The following ZNF560 variants were observed in gnomAD, a reference collection of about 807,000 sequenced individuals.
The protein encoded by ZNF560 is zinc finger protein 560.
In ZNF560, 54 loss-of-function variants were observed where a neutral mutation model predicts 81.8. That is an observed-to-expected ratio of 0.66 (90% CI 0.53 to 0.83). ZNF560 has a LOEUF of 0.83. ZNF560 is among the 40% of genes least tolerant of loss of function. The pLI is 0.00. For missense variants in ZNF560, 940 were observed against 932.4 expected (o/e 1.01, Z -0.11); for synonymous variants, 321 against 317.9 (o/e 1.01, Z -0.10).
At chr19:9,477,590 T>C (rs942210955) in intron 2 of ZNF560, among the ~76,000 whole-genome samples, 2 of 152,216 alleles carry the variant, frequency 1.3e-5, no homozygotes, top group African/African-American at 4.8e-5. Context: ...GTTCTGCCCA[T>C]TGCTCCTGCA....
intron 5 of ZNF560, among the ~76,000 whole-genome samples, chr19:9,472,921 C>A (rs2073144922): frequency 6.6e-6 from 1 of 152,090 alleles, no homozygotes; most frequent in Non-Finnish European, 1.5e-5. Flanking sequence ...TCTTTTACTC[C>A]CTTTCTCATC....
At chr19:9,475,807 C>T (rs760144241) in intron 2 of ZNF560, among the ~76,000 whole-genome samples, 4 of 151,992 alleles carry the variant, frequency 2.6e-5, no homozygotes, top group East Asian at 1.9e-4. Flanking sequence ...GGGGTTTCAC[C>T]GTGTTACCCA....
At chr19:9,446,407 C>T in the ZNF560 span, among the ~76,000 whole-genome samples, 3 of 146,380 alleles carry the variant, frequency 2.0e-5, no homozygotes, top group Non-Finnish European at 4.5e-5. Flanking sequence ...CACACACACA[C>T]ATAAAATATA....
chr19:9,463,846 C>T (rs1263081031), downstream of ZNF560, among the ~76,000 whole-genome samples: 9 of 152,260 alleles, frequency 5.9e-5, no homozygotes, highest in East Asian at 5.8e-4. Flanking sequence ...TCACACCAGG[C>T]TAATCTTTAC....
At chr19:9,496,953 A>C (rs1407153454) in intron 2 of ZNF560, among the ~76,000 whole-genome samples, 5 of 152,008 alleles carry the variant, frequency 3.3e-5, no homozygotes. Context: ...AATAGAATGA[A>C]ATCCTGTCAT....
chr19:9,504,151 C>G, the ZNF560 span, among the ~76,000 whole-genome samples: 2 of 152,136 alleles, frequency 1.3e-5, no homozygotes, highest in Non-Finnish European at 2.9e-5. Flanking sequence ...TACTGAGACT[C>G]TGCTGGGTGC....
intron 2 of ZNF560, among the ~76,000 whole-genome samples, chr19:9,489,666 C>T (rs1426597706): frequency 3.3e-5 from 5 of 152,064 alleles, no homozygotes; most frequent in African/African-American, 7.2e-5. Context: ...CTCGGCTCAC[C>T]GCAAGCTCCG....
intron 2 of ZNF560, among the ~76,000 whole-genome samples, chr19:9,483,675 G>A (rs947961837): frequency 1.3e-5 from 2 of 150,440 alleles, no homozygotes; most frequent in Admixed American, 6.6e-5. Flanking sequence ...GGAGGGAGGT[G>A]GGGGGCGCCT....
At chr19:9,464,829 T>C (rs1027462426), downstream of ZNF560, among the ~76,000 whole-genome samples, 1 of 152,172 alleles carries the variant, frequency 6.6e-6, no homozygotes, top group African/African-American at 2.4e-5. Flanking sequence ...AAAATAGTTC[T>C]ATAGAACCAC....
the ZNF560 span, among the ~76,000 whole-genome samples, chr19:9,452,667 A>G: frequency 1.3e-5 from 2 of 152,240 alleles, no homozygotes; most frequent in Non-Finnish European, 2.9e-5. Flanking sequence ...CCTAAATACT[A>G]CATGTTCTCA....
At chr19:9,485,723 T>C (rs1299676656) in intron 2 of ZNF560, among the ~76,000 whole-genome samples, 2 of 151,898 alleles carry the variant, frequency 1.3e-5, no homozygotes, top group African/African-American at 4.8e-5. Flanking sequence ...TTTTGTATTT[T>C]TAGTAGAGAC....
chr19:9,467,152 G>A lies in ZNF560; in HGVS notation c.1795C>T (p.Pro599Ser), dbSNP rs753650520. ...KHLRRHSGEK[P>S]YECKKCGKAF... ...TTTCCACATTTCTTACATTCATATG[G>A]CTTCTCTCCACTGTGTCTTCGTAAA... Residue 599 changes from proline (P) to serine (S), a missense_variant, in exon 10 of 10, where the codon CCA becomes TCA. Transcript: ENST00000301480. 1 of 1,613,866 alleles carries A rather than the reference G, an allele frequency of 6.2e-7. No individual in the cohort carries two copies. The highest frequency in any genetic ancestry group is 1.7e-5 in the Admixed American group (1 of 60,002).
chr19:9,459,399 A>G, the ZNF560 span, among the ~76,000 whole-genome samples: 1 of 152,234 alleles, frequency 6.6e-6, no homozygotes, highest in South Asian at 2.1e-4. Context: ...GTAAAATAAT[A>G]ACATGGGGCA....
Position 9,466,911 on chromosome 19 carries a change from G to T in ZNF560, c.2036C>A (p.Ala679Glu). 1 of 1,614,050 alleles carries T rather than the reference G, an allele frequency of 6.2e-7. No homozygotes were observed. The highest frequency in any genetic ancestry group is 1.3e-5 in the African/African-American group (1 of 75,038). ...CVLTQHLKTH[A>E]AEKTSECNAC... ...GTTACATTCAGAGGTCTTCTCTGCT[G>T]CATGAGTTTTTAAGTGTTGAGTTAG... The change falls in exon 10 of 10, where the codon GCA becomes GAA. Residue 679 changes from alanine to glutamate, a missense_variant. By Grantham distance (107) the Ala-to-Glu change is moderately radical. Coordinates refer to ENST00000301480, the MANE Select transcript of ZNF560 (RefSeq NM_152476.3).
In ZNF560 at chr19:9,466,990, A is replaced by T; in HGVS notation, c.1957T>A (p.Tyr653Asn). The change falls in exon 10 of 10, where the codon TAT becomes AAT. Residue 653 changes from tyrosine (Y) to asparagine (N), a missense_variant. By Grantham distance (143) the Tyr-to-Asn change is moderately radical (BLOSUM62 -2). Coordinates refer to ENST00000301480, the MANE Select transcript of ZNF560 (RefSeq NM_152476.3). ...CATGCATTACATTTATAGGGTTTAT[A>T]TCCAGTGTGAGTTCTTAAATGATCA... Reference protein sequence around the residue: ...LVDHLRTHTGYKPYKCNACEK... With the variant: ...LVDHLRTHTGNKPYKCNACEK... 6.2e-7 allele frequency: 1 copy of T among 1,613,456 alleles called. No individual in the cohort carries two copies.
Position 9,489,343 on chromosome 19 carries a change from G to A in ZNF560, c.-57+8785C>T, listed in dbSNP as rs140366383. Among the ~76,000 whole-genome samples, 1,115 of 151,720 alleles carry A rather than the reference G, an allele frequency of 7.3e-3. 12 individuals are homozygous for A. The highest frequency in any genetic ancestry group is 0.026 in the African/African-American group (1,072 of 41,314). ...GACACTGCAGTGGCCAGACAGAGTCGCTCCTCACTTCCCAGACAGGGTGGT... is the reference window on the plus strand; with the variant it reads ...GACACTGCAGTGGCCAGACAGAGTCACTCCTCACTTCCCAGACAGGGTGGT... On this transcript the variant is annotated intron_variant, in intron 2 of 9. Coordinates refer to ENST00000301480, the MANE Select transcript of ZNF560 (RefSeq NM_152476.3).
chr19:9,477,629 T>A (rs1291969959), intron 2 of ZNF560, among the ~76,000 whole-genome samples: 1 of 152,180 alleles, frequency 6.6e-6, no homozygotes, highest in African/African-American at 2.4e-5. Flanking sequence ...AGAGCAGCAA[T>A]CGCAAATCAG....
In ZNF560 at chr19:9,493,812, AAGG is replaced by A. The variant is rs530005484; in HGVS notation, c.-57+4313_-57+4315del. On this transcript the variant is annotated intron_variant, in intron 2 of 9. Transcript: ENST00000301480. Reference sequence around the variant, plus strand: ...TTAGTCTTCAGGTAACAGAATATTCAAGGAGAATATGACTAAATTTCAGTAGAA... The same window carrying A: ...TTAGTCTTCAGGTAACAGAATATTCAAGAATATGACTAAATTTCAGTAGAA... Among the ~76,000 whole-genome samples, 386 of 152,322 alleles carry A rather than the reference AAGG, an allele frequency of 2.5e-3. 2 individuals are homozygous for A. The highest frequency in any genetic ancestry group is 9.0e-3 in the African/African-American group (376 of 41,572).
chr19:9,446,316 C>T, the ZNF560 span, among the ~76,000 whole-genome samples: 1 of 151,394 alleles, frequency 6.6e-6, no homozygotes, highest in Non-Finnish European at 1.5e-5. Flanking sequence ...GACAGGATAA[C>T]TGCATTTACT....
Sources: allele counts gnomAD v4.1 joint callset (sites outside exome capture counted in the v4.1 genomes callset), GRCh38; gene constraint gnomAD v4.1.1; transcripts MANE v1.5; gene names NCBI Gene and HGNC (gene_info 2026-07-23, HGNC 2026-07-21).